Variants in ZNF667 observed in about 807,000 individuals in gnomAD.
ZNF667 encodes the protein myocardial ischemic preconditioning upregulated 1 ortholog.
A neutral mutation model predicts 31.8 loss-of-function variants in ZNF667; 13 were observed. The ratio of observed to expected loss-of-function variants is 0.41; its 90% confidence interval spans 0.27 to 0.65. ZNF667 has a LOEUF of 0.65. Among genes scored for constraint, ZNF667 ranks in the 30% least tolerant of loss-of-function variants. The pLI, the probability that ZNF667 is intolerant of heterozygous loss-of-function variation, is 0.32. For missense variants in ZNF667, 642 were observed against 725.6 expected, an observed-to-expected ratio of 0.88 and a Z score of 1.32; for synonymous variants, 228 against 247.1, an observed-to-expected ratio of 0.92 and a Z score of 0.73.
intron 3 of ZNF667, among the ~76,000 whole-genome samples, chr19:56,462,756 G>C (rs950085234): frequency 3.9e-5 from 6 of 152,240 alleles, no homozygotes; most frequent in African/African-American, 1.4e-4. Context: ...GGGGAGAGCA[G>C]TGAGTTAAAG....
Position 56,440,839 on chromosome 19 carries a change from G to A in ZNF667, c.*323C>T. On this transcript the variant is annotated 3_prime_UTR_variant, in exon 7 of 7. Coordinates refer to ENST00000504904, the MANE Select transcript of ZNF667 (RefSeq NM_001321356.2). ...TTTAGTAGAGACAGGGTTTCACCGT[G>A]GTCTCAAACTCTTGACCTCGTGATC... The A allele has an allele frequency of 1.1e-6, 1 of 895,014 alleles. No individual in the cohort carries two copies. The highest frequency in any genetic ancestry group is 1.4e-6 in the Non-Finnish European group (1 of 716,438). The allele number at this position is 895,014 out of a possible 1,614,324, so 55.4% of individuals were successfully genotyped here.
At chr19:56,443,583 A>C (rs1374459725) in intron 6 of ZNF667, among the ~76,000 whole-genome samples, 1 of 152,202 alleles carries the variant, frequency 6.6e-6, no homozygotes, top group Admixed American at 6.5e-5. Flanking sequence ...AATATACATA[A>C]ATGTAGAAAA....
chr19:56,441,411 T>C lies in ZNF667; in HGVS notation c.1584A>G (p.Thr528=), dbSNP rs749598632. 6.2e-7 allele frequency: 1 copy of C among 1,614,078 alleles called. No homozygotes were observed. The highest frequency in any genetic ancestry group is 8.5e-7 in the Non-Finnish European group (1 of 1,180,052). Residue 528 remains threonine (T), a synonymous_variant, in exon 7 of 7, where the codon ACA becomes ACG. Transcript: ENST00000504904. This position sits in a 1 kb window ranked among gnomAD's most constrained non-coding sequence, Gnocchi z 4.2. ...TAAAGGCCTTACCACATGTTTTGCA[T>C]GTATATGGCTTCTCTCCAGTGTGAA... ...ERIHTGEKPY[T]CKTCGKAFSQ... is the part of the protein sequence containing the mutation.
Position 56,442,706 on chromosome 19 carries a change from G to C in ZNF667, c.289C>G (p.Pro97Ala), listed in dbSNP as rs762491844. 1 of 1,602,894 alleles carries C rather than the reference G, an allele frequency of 6.2e-7. No individual in the cohort carries two copies. The highest frequency in any genetic ancestry group is 8.5e-7 in the Non-Finnish European group (1 of 1,176,368). Reference protein sequence around the residue: ...GSKCETKKLPPNQCNKSGQSI... With the variant: ...GSKCETKKLPANQCNKSGQSI... Reference sequence around the variant, plus strand: ...TGCCCAGATTTGTTGCATTGATTTGGAGGTAACTTCTTGGTCTCACATTTA... The same window carrying C: ...TGCCCAGATTTGTTGCATTGATTTGCAGGTAACTTCTTGGTCTCACATTTA... Residue 97 changes from proline (P) to alanine (A), a missense_variant, in exon 7 of 7, where the codon CCA becomes GCA. Transcript: ENST00000504904.
At position 56,440,217 on chromosome 19, in the gene ZNF667, T is replaced by G. The variant is rs1365390002; in HGVS notation, c.*945A>C. On this transcript the variant is annotated 3_prime_UTR_variant, in exon 7 of 7. Coordinates refer to ENST00000504904, the MANE Select transcript of ZNF667 (RefSeq NM_001321356.2). ...TAAATATAGATGATTTATTTCCAAA[T>G]AAAACAATACTGATTTCTCCTGGCT... 6.6e-6 allele frequency: 1 copy of G among 152,218 alleles called. No individual in the cohort carries two copies. Among genetic ancestry groups the G allele is most frequent in the African/African-American group, 2.4e-5 (1 of 41,454 alleles). The allele number at this position is 152,218 out of a possible 1,614,324, so 9.4% of individuals were successfully genotyped here.
chr19:56,441,081 C>T lies in ZNF667; in HGVS notation c.*81G>A. On this transcript the variant is annotated 3_prime_UTR_variant, in exon 7 of 7. Transcript: ENST00000504904. The surrounding 1 kb of genome is among the most constrained non-coding windows in gnomAD (Gnocchi z 4.2). ...ATATCATCAAATGGTCCCATATACACAAAATTTACATTATAGACAAATACA... is the reference window on the plus strand; with the variant it reads ...ATATCATCAAATGGTCCCATATACATAAAATTTACATTATAGACAAATACA... The T allele has an allele frequency of 1.3e-6, 2 of 1,513,188 alleles. No individual in the cohort carries two copies. Among genetic ancestry groups the T allele is most frequent in the African/African-American group, 1.4e-5 (1 of 72,056 alleles). 93.7% of individuals were successfully genotyped at this position (1,513,188 alleles called of 1,614,324 possible). A position where few individuals can be genotyped will look rare whatever the true frequency, so the allele number is the denominator to read the frequency against.
rs1315443505 is a variant in ZNF667, at chr19:56,452,704, G to A, written c.253+5451C>T. ...GGAAGCCAAGGTGGGCGGATCACCTGAGGTCAGGAGTTCAAGACCAGCCTG... is the reference window on the plus strand; with the variant it reads ...GGAAGCCAAGGTGGGCGGATCACCTAAGGTCAGGAGTTCAAGACCAGCCTG... On this transcript the variant is annotated intron_variant, in intron 6 of 6. Coordinates refer to ENST00000504904, the MANE Select transcript of ZNF667 (RefSeq NM_001321356.2). Among the ~76,000 whole-genome samples the A allele has an allele frequency of 3.3e-5, 5 of 152,244 alleles. No individual in the cohort carries two copies. The East Asian group carries it at 9.7e-4, about 29-fold the overall frequency.
In ZNF667 at chr19:56,442,122, T is replaced by C; in HGVS notation, c.873A>G (p.Lys291=). The change falls in exon 7 of 7, where the codon AAA becomes AAG. Residue 291 remains lysine, a synonymous_variant. Coordinates refer to ENST00000504904, the MANE Select transcript of ZNF667 (RefSeq NM_001321356.2). ...HKYNKCGRGF[K]KKSVFVVHKR... The stretch of plus-strand genomic sequence containing the variant: ...TATGTACAACAAAGACTGATTTCTT[T>C]TTGAAGCCTCTCCCACATTTATTAT... 1.9e-6 allele frequency: 3 copies of C among 1,613,462 alleles called. No individual in the cohort carries two copies. The highest frequency in any genetic ancestry group is 2.5e-6 in the Non-Finnish European group (3 of 1,179,806).
intron 6 of ZNF667, chr19:56,449,515 A>C (rs1294264696): frequency 3.6e-6 from 1 of 278,486 alleles, no homozygotes; most frequent in African/African-American, 2.3e-5. Flanking sequence ...CCCCGTCTCT[A>C]CTAAAAATAA....
chr19:56,463,827 G>A (rs554511683), intron 3 of ZNF667, among the ~76,000 whole-genome samples: 142 of 151,878 alleles, frequency 9.3e-4, no homozygotes, highest in Non-Finnish European at 1.7e-3. Context: ...TGCCCAGCCC[G>A]GAACTCATTT....
intron 6 of ZNF667, among the ~76,000 whole-genome samples, chr19:56,457,341 G>A (rs769920145): frequency 1.3e-5 from 2 of 152,156 alleles, no homozygotes; most frequent in Non-Finnish European, 2.9e-5. Context: ...GAGATGCAGG[G>A]GGACAGGTGG....
At chr19:56,460,600 G>T in intron 5 of ZNF667, 89 bp downstream of exon 5, 1 of 1,414,374 alleles carries the variant, frequency 7.1e-7, no homozygotes, top group Non-Finnish European at 9.4e-7. Context: ...AAAAGAAACT[G>T]CAGTGGCTTC....
chr19:56,466,608 T>C (rs2043165211), intron 3 of ZNF667, among the ~76,000 whole-genome samples: 1 of 152,152 alleles, frequency 6.6e-6, no homozygotes, highest in African/African-American at 2.4e-5. Context: ...AGTGAGTAGC[T>C]AGGCGCTCAC....
chr19:56,478,093 C>G (rs1298607750), upstream of ZNF667: 1 of 152,354 alleles, frequency 6.6e-6, no homozygotes, highest in African/African-American at 2.4e-5. Flanking sequence ...CATTTCCCAA[C>G]GGCCCCTGCA....
chr19:56,476,655 G>C (rs2043414452), intron 1 of ZNF667, among the ~76,000 whole-genome samples: 1 of 152,112 alleles, frequency 6.6e-6, no homozygotes, highest in African/African-American at 2.4e-5. Flanking sequence ...CAGATTTCCA[G>C]GGCAGCCCAT....
At chr19:56,463,384 A>C (rs556836818) in intron 3 of ZNF667, among the ~76,000 whole-genome samples, 10 of 152,222 alleles carry the variant, frequency 6.6e-5, no homozygotes, top group African/African-American at 2.4e-4. Flanking sequence ...TCGCCTCCTC[A>C]AGAGGGCCCC....
At chr19:56,446,941 TATCCCCTC>T (rs1440712791) in intron 6 of ZNF667, among the ~76,000 whole-genome samples, 6 of 152,132 alleles carry the variant, frequency 3.9e-5, no homozygotes, top group Non-Finnish European at 8.8e-5. Flanking sequence ...AATACTAACA[TATCCCCTC>T]AGCCCATCTC....
chr19:56,455,786 A>G (rs1008400319), intron 6 of ZNF667, among the ~76,000 whole-genome samples: 2 of 152,214 alleles, frequency 1.3e-5, no homozygotes, highest in African/African-American at 2.4e-5. Flanking sequence ...TGTTTGTAAC[A>G]CAATAATAAA....
chr19:56,455,706 A>G (rs1363529976), intron 6 of ZNF667, among the ~76,000 whole-genome samples: 1 of 152,240 alleles, frequency 6.6e-6, no homozygotes, highest in Non-Finnish European at 1.5e-5. Flanking sequence ...ATTTGATAGC[A>G]CAACTGGGTG....
Sources: gnomAD v4.1 joint callset for allele counts (sites outside exome capture counted in the v4.1 genomes callset) on GRCh38, gnomAD v4.1.1 for gene constraint, Gnocchi (gnomAD v3.1) non-coding constraint, MANE v1.5 for transcripts, NCBI Gene and HGNC (gene_info 2026-07-23, HGNC 2026-07-21) for gene names.